The following SEMA3A variants were observed in gnomAD, a reference collection of about 807,000 sequenced individuals.
SEMA3A encodes the protein semaphorin-3A.
Under a neutral mutation model 97.9 loss-of-function variants are expected in SEMA3A, and 29 were observed. That is an observed-to-expected ratio of 0.30 (90% confidence interval 0.22 to 0.40). SEMA3A has a LOEUF of 0.40. SEMA3A is among the 10% of genes least tolerant of loss of function. SEMA3A has a pLI of 1.00. For missense variants in SEMA3A, 763 were observed against 951.3 expected, an observed-to-expected ratio of 0.80 and a Z score of 2.60; for synonymous variants, 321 against 323.7, an observed-to-expected ratio of 0.99 and a Z score of 0.09.
intron 2 of SEMA3A, among the ~76,000 whole-genome samples, chr7:84,371,206 A>G (rs1802966292): frequency 6.6e-6 from 1 of 151,806 alleles, no homozygotes; most frequent in South Asian, 2.1e-4. Flanking sequence ...GAAACTTTTT[A>G]CAGAATCAGA....
chr7:84,359,368 A>G (rs1398852245), intron 2 of SEMA3A, among the ~76,000 whole-genome samples: 1 of 151,988 alleles, frequency 6.6e-6, no homozygotes, highest in Admixed American at 6.6e-5. Context: ...AATTTTGTCA[A>G]AGGCCTTTTC....
chr7:84,155,500 C>T (rs1285700160), intron 1 of SEMA3A, among the ~76,000 whole-genome samples: 1 of 152,090 alleles, frequency 6.6e-6, no homozygotes, highest in African/African-American at 2.4e-5. Flanking sequence ...ATCTTTTCCA[C>T]TTTAGGAATT....
At chr7:84,144,245 A>C (rs958364602) in intron 1 of SEMA3A, among the ~76,000 whole-genome samples, 16 of 152,192 alleles carry the variant, frequency 1.1e-4, no homozygotes, top group Non-Finnish European at 7.4e-5. Flanking sequence ...CAAAACAACA[A>C]AAATCATAGG....
At chr7:84,370,597 T>G (rs182759150) in intron 2 of SEMA3A, among the ~76,000 whole-genome samples, 1 of 151,908 alleles carries the variant, frequency 6.6e-6, no homozygotes, top group African/African-American at 2.4e-5. Context: ...CTAGTTTTTC[T>G]TATTGTCTCA....
chr7:84,067,336 C>T (rs1473866534), intron 4 of SEMA3A, among the ~76,000 whole-genome samples: 2 of 152,126 alleles, frequency 1.3e-5, no homozygotes, highest in African/African-American at 4.8e-5. Flanking sequence ...AAAACCTAGG[C>T]ATTACCATTC....
intron 11 of SEMA3A, among the ~76,000 whole-genome samples, chr7:84,004,059 A>AT (rs11415239): frequency 0.24 from 36,385 of 151,634 alleles, 4,522 homozygotes; most frequent in South Asian, 0.32. Flanking sequence ...AGTTAATGCA[A>AT]TTTTTTTTCT....
chr7:83,980,623 A>AAAAAAAAAAAAATAT (rs1310318006), intron 14 of SEMA3A, among the ~76,000 whole-genome samples: 9 of 71,756 alleles, frequency 1.3e-4, no homozygotes, highest in African/African-American at 5.8e-4. Context: ...AAAAAAAAAA[A>AAAAAAAAAAAAATAT]ATATATATAT....
chr7:84,251,094 T>C (rs935854416), intron 3 of SEMA3A, among the ~76,000 whole-genome samples: 9 of 152,192 alleles, frequency 5.9e-5, no homozygotes, highest in Non-Finnish European at 1.3e-4. Flanking sequence ...AATATAACCA[T>C]TGCATTTTTG....
chr7:84,164,678 A>G (rs1797145581), intron 1 of SEMA3A, among the ~76,000 whole-genome samples: 1 of 152,116 alleles, frequency 6.6e-6, no homozygotes, highest in African/African-American at 2.4e-5. Context: ...GTTATGTATA[A>G]ATTGCATGTA....
At chr7:84,079,283 T>C (rs1794066767) in intron 4 of SEMA3A, among the ~76,000 whole-genome samples, 2 of 151,812 alleles carry the variant, frequency 1.3e-5, no homozygotes, top group African/African-American at 2.4e-5. Flanking sequence ...ATTCAGGACA[T>C]AGGCATGGGC....
At chr7:84,482,484 G>A (rs1046247242) in intron 1 of SEMA3A, among the ~76,000 whole-genome samples, 9 of 152,212 alleles carry the variant, frequency 5.9e-5, no homozygotes, top group Middle Eastern at 3.4e-3. Context: ...AGTAAATGAA[G>A]CTAAAATATT....
intron 1 of SEMA3A, among the ~76,000 whole-genome samples, chr7:84,410,650 G>A (rs1804239176): frequency 6.6e-6 from 1 of 152,084 alleles, no homozygotes; most frequent in Admixed American, 6.6e-5. Context: ...TCCTTTCCCA[G>A]TGTATTTATT....
chr7:84,176,015 A>G (rs1584085091), intron 1 of SEMA3A, among the ~76,000 whole-genome samples: 1 of 152,346 alleles, frequency 6.6e-6, no homozygotes, highest in African/African-American at 2.4e-5. Flanking sequence ...GGAAATTATT[A>G]GTATACTATG....
At chr7:84,377,000 T>C (rs990934607) in intron 1 of SEMA3A, among the ~76,000 whole-genome samples, 4 of 152,218 alleles carry the variant, frequency 2.6e-5, no homozygotes, top group South Asian at 2.1e-4. Flanking sequence ...TTTCCTTTGC[T>C]GTGCAGAAGC....
At chr7:84,424,525 ATATATAATATATAAATATTAATATATATT>A (rs1804701813) in intron 1 of SEMA3A, among the ~76,000 whole-genome samples, 2 of 86,490 alleles carry the variant, frequency 2.3e-5, no homozygotes, top group East Asian at 3.2e-4. Flanking sequence ...AATATATGTT[ATATATAATATATAAATATTAATATATATT>A]ATATATAATA....
chr7:84,400,311 C>T (rs1803867220), intron 1 of SEMA3A, among the ~76,000 whole-genome samples: 1 of 152,014 alleles, frequency 6.6e-6, no homozygotes. Context: ...AGTGACTAAC[C>T]CTGAAGGACA....
At chr7:83,975,461 G>A (rs865989993) in intron 15 of SEMA3A, among the ~76,000 whole-genome samples, 46 of 151,962 alleles carry the variant, frequency 3.0e-4, no homozygotes, top group African/African-American at 1.1e-3. Context: ...ATGACATAAG[G>A]TATTTTTTAC....
Position 84,005,581 on chromosome 7 carries a change from A to ATCTT in SEMA3A, c.1141-27_1141-24dup, listed in dbSNP as rs747333033. 10 of 1,449,124 alleles carry ATCTT rather than the reference A, an allele frequency of 6.9e-6. No homozygotes were observed. The East Asian group carries it at 2.1e-4, about 30-fold the overall frequency. 89.8% of individuals were successfully genotyped at this position (1,449,124 alleles called of 1,614,324 possible). ...ACACTATTAAGATAAAGAGAAAATT[A>ATCTT]TCTTTTGATTAAAATCTAATAAACA... On this transcript the variant is annotated intron_variant, in intron 10 of 16. Coordinates refer to ENST00000265362, the MANE Select transcript of SEMA3A (RefSeq NM_006080.3).
chr7:84,361,228 A>T (rs4732549), intron 2 of SEMA3A, among the ~76,000 whole-genome samples: 43,611 of 151,894 alleles, frequency 0.29, 6,742 homozygotes, highest in African/African-American at 0.38. Context: ...CGAGAGAGAC[A>T]AACCAGGAAC....
Sources: allele counts gnomAD v4.1 joint callset (sites outside exome capture counted in the v4.1 genomes callset), GRCh38; gene constraint gnomAD v4.1.1; transcripts MANE v1.5; gene names NCBI Gene and HGNC (gene_info 2026-07-23, HGNC 2026-07-21).